Variants in POLN observed in about 807,000 individuals in gnomAD.
POLN encodes DNA polymerase nu.
In POLN, 108 loss-of-function variants were observed where a neutral mutation model predicts 113.5. That is an observed-to-expected ratio of 0.95 (90% CI 0.81 to 1.12). The LOEUF is 1.12. Among genes scored for constraint, POLN ranks in the 50% most tolerant of loss-of-function variants. POLN has a pLI of 0.00. For missense variants in POLN, 1,097 were observed against 1,077.1 expected (o/e 1.02, Z -0.26); for synonymous variants, 386 against 391.5 (o/e 0.99, Z 0.17).
At chr4:2,211,250 A>AAATAATAATAAT (rs71167780) in intron 4 of POLN, among the ~76,000 whole-genome samples, 68 of 139,814 alleles carry the variant, frequency 4.9e-4, no homozygotes, top group Non-Finnish European at 7.7e-4. Context: ...CTCCGTCTCC[A>AAATAATAATAAT]AATAATAATA....
intron 16 of POLN, among the ~76,000 whole-genome samples, chr4:2,135,281 G>A (rs529656552): frequency 2.6e-5 from 4 of 152,038 alleles, no homozygotes; most frequent in African/African-American, 9.7e-5. Flanking sequence ...GACAGGAAGC[G>A]GCCACAGAAC....
In POLN at chr4:2,241,643, G is replaced by T. The variant is rs7671997; in HGVS notation, c.-136C>A. On this transcript the variant is annotated 5_prime_UTR_variant, in exon 2 of 26. Coordinates refer to ENST00000511885, the MANE Select transcript of POLN (RefSeq NM_181808.4). ...TGCTTCGGGCCGGCCTTCAGCCAGC[G>T]CTGAGGCAGCCCCGACGCCAGGGCC... 3 of 985,330 alleles carry T rather than the reference G, an allele frequency of 3.0e-6. No homozygotes were observed. Among genetic ancestry groups the T allele is most frequent in the Non-Finnish European group, 3.6e-6 (3 of 829,948 alleles). 61.0% of individuals were successfully genotyped at this position (985,330 alleles called of 1,614,324 possible).
chr4:2,164,193 T>A (rs1732669471), intron 13 of POLN, among the ~76,000 whole-genome samples: 1 of 152,064 alleles, frequency 6.6e-6, no homozygotes, highest in Non-Finnish European at 1.5e-5. Flanking sequence ...TATCCCCCAT[T>A]CTCCAACCAG....
chr4:2,117,903 T>C (rs1385251956), intron 19 of POLN, among the ~76,000 whole-genome samples: 1 of 152,242 alleles, frequency 6.6e-6, no homozygotes, highest in African/African-American at 2.4e-5. Context: ...TCCCAGGCTG[T>C]TTCCTGCCTA....
intron 14 of POLN, among the ~76,000 whole-genome samples, chr4:2,158,863 C>CT (rs1390469699): frequency 2.0e-5 from 3 of 152,190 alleles, no homozygotes; most frequent in Non-Finnish European, 4.4e-5. Context: ...TGCTGGGCGT[C>CT]TCCTGCACAC....
chr4:2,176,206 C>G (rs888066384), intron 9 of POLN, 60 bp downstream of exon 9: 1 of 1,371,312 alleles, frequency 7.3e-7, no homozygotes, highest in Admixed American at 1.8e-5. Flanking sequence ...GTGCGGGTGC[C>G]AATGAAAAGA....
chr4:2,209,405 G>T (rs1353657144), intron 4 of POLN, among the ~76,000 whole-genome samples: 2 of 150,506 alleles, frequency 1.3e-5, no homozygotes, highest in East Asian at 4.0e-4. Flanking sequence ...CTTGAACCTG[G>T]AAGGTGGAGG....
intron 19 of POLN, among the ~76,000 whole-genome samples, chr4:2,122,990 CAAAAAGAAAAAA>C (rs1284156002): frequency 1.3e-5 from 2 of 150,342 alleles, no homozygotes; most frequent in East Asian, 3.9e-4. Context: ...GAGCCTCTAC[CAAAAAGAAAAAA>C]AAAAATCTAG....
intron 7 of POLN, 110 bp from the exon 8 acceptor site, chr4:2,179,575 C>T (rs1733083038): frequency 9.1e-7 from 1 of 1,093,398 alleles, no homozygotes. Flanking sequence ...GTCATCCTCT[C>T]AAATTATAGA....
At chr4:2,214,445 T>C (rs954308189) in intron 3 of POLN, among the ~76,000 whole-genome samples, 2 of 151,968 alleles carry the variant, frequency 1.3e-5, no homozygotes, top group African/African-American at 4.8e-5. Context: ...GGAACAAAAA[T>C]GACAAAGGGT....
rs979418280 is a variant in POLN, at chr4:2,211,345, G to A, written c.213+1702C>T. Among the ~76,000 whole-genome samples the A allele has an allele frequency of 8.0e-5, 12 of 150,762 alleles. No individual in the cohort carries two copies. In the South Asian group the frequency reaches 1.7e-3, roughly 21 times the overall value. On this transcript the variant is annotated intron_variant, in intron 4 of 25. Transcript: ENST00000511885. ...TTGTCAAAGTGCATATTTAATTTTC[G>A]TGAATATATTTTAAATGGTAATGTA...
intron 16 of POLN, among the ~76,000 whole-genome samples, chr4:2,152,125 G>A (rs181904429): frequency 2.7e-5 from 4 of 149,324 alleles, no homozygotes; most frequent in Admixed American, 2.0e-4. Context: ...TCCTCCTCTC[G>A]GGCTCAAGCA....
At chr4:2,135,773 G>A (rs924569708) in intron 16 of POLN, among the ~76,000 whole-genome samples, 32 of 152,166 alleles carry the variant, frequency 2.1e-4, no homozygotes, top group African/African-American at 6.5e-4. Context: ...GCTATCACAC[G>A]CCCATGAGAG....
rs1176859348 is a variant in POLN, at chr4:2,124,389, C to T, written c.1982+3724G>A. Among the ~76,000 whole-genome samples the T allele has an allele frequency of 2.6e-5, 4 of 152,254 alleles. No homozygotes were observed. The East Asian group carries it at 7.7e-4, about 29-fold the overall frequency. ...TCAAGCAATCCTCTCTCCTTAGCCT[C>T]CCAAGCAGCCAGGACTACAGGATAG... On this transcript the variant is annotated intron_variant, in intron 19 of 25. Transcript: ENST00000511885.
chr4:2,241,164 A>C, intron 2 of POLN: 1 of 469,312 alleles, frequency 2.1e-6, no homozygotes, highest in Non-Finnish European at 3.7e-6. Flanking sequence ...GACACAGACA[A>C]ATATCACATG....
At chr4:2,079,579 A>C (rs1730355623) in intron 23 of POLN, 1 of 985,064 alleles carries the variant, frequency 1.0e-6, no homozygotes, top group Non-Finnish European at 1.2e-6. Flanking sequence ...GAGAGGACTG[A>C]GAGTGAATCT....
chr4:2,167,269 C>T (rs1251530154), intron 13 of POLN, among the ~76,000 whole-genome samples: 2 of 152,168 alleles, frequency 1.3e-5, no homozygotes, highest in East Asian at 3.9e-4. Context: ...GGAATCCTGA[C>T]CCCAAGGCTG....
intron 3 of POLN, among the ~76,000 whole-genome samples, chr4:2,220,800 GA>G (rs1436827045): frequency 6.6e-6 from 1 of 152,156 alleles, no homozygotes; most frequent in African/African-American, 2.4e-5. Flanking sequence ...GTGACTTAAT[GA>G]CCAGGAGAGG....
intron 16 of POLN, among the ~76,000 whole-genome samples, chr4:2,133,249 C>A (rs1731771851): frequency 6.7e-6 from 1 of 149,864 alleles, no homozygotes; most frequent in African/African-American, 2.4e-5. Flanking sequence ...CTATGGAAAA[C>A]AATATGGAGG....
Sources: gnomAD v4.1 joint callset for allele counts (sites outside exome capture counted in the v4.1 genomes callset) on GRCh38, gnomAD v4.1.1 for gene constraint, MANE v1.5 for transcripts, NCBI Gene and HGNC (gene_info 2026-07-23, HGNC 2026-07-21) for gene names.